C6: variants seen among roughly 807,000 people sequenced by gnomAD.
C6 encodes the protein complement component C6.
C6 carries 101 observed loss-of-function variants against 112.9 expected under a neutral mutation model. That is an observed-to-expected ratio of 0.89 (90% CI 0.76 to 1.06). The LOEUF is 1.06. C6 is among the 50% of genes least tolerant of loss of function. The pLI, the probability that C6 is intolerant of heterozygous loss-of-function variation, is 0.00. For missense variants in C6, 1,202 were observed against 1,104.6 expected (o/e 1.09, Z -1.25); for synonymous variants, 431 against 384.1 (o/e 1.12, Z -1.43).
chr5:41,251,917 G>T (rs1036311416), intron 1 of C6, among the ~76,000 whole-genome samples: 6 of 152,170 alleles, frequency 3.9e-5, no homozygotes, highest in African/African-American at 1.2e-4. Context: ...AAAAGATATG[G>T]TTGGGAAATA....
intron 9 of C6, among the ~76,000 whole-genome samples, 198 bp from the exon 10 acceptor site, chr5:41,162,057 G>C (rs1334094483): frequency 1.3e-5 from 2 of 152,120 alleles, no homozygotes; most frequent in Non-Finnish European, 2.9e-5. Flanking sequence ...AATAATAACA[G>C]TACTAACAGC....
chr5:41,246,925 A>G (rs1042281120), intron 1 of C6, among the ~76,000 whole-genome samples: 4 of 152,232 alleles, frequency 2.6e-5, no homozygotes, highest in Non-Finnish European at 5.9e-5. Context: ...TAATAAATTT[A>G]TATGGTTATA....
intron 17 of C6, among the ~76,000 whole-genome samples, chr5:41,145,981 A>G (rs772036793): frequency 3.3e-5 from 5 of 152,310 alleles, no homozygotes; most frequent in Middle Eastern, 3.4e-3. Flanking sequence ...TCACGCTTCT[A>G]TACTTAAGAA....
intron 9 of C6, among the ~76,000 whole-genome samples, chr5:41,162,381 A>G (rs1747601258): frequency 6.6e-6 from 1 of 152,212 alleles, no homozygotes; most frequent in African/African-American, 2.4e-5. Flanking sequence ...ACTTCCAATT[A>G]CAGGGAAAAA....
intron 8 of C6, 142 bp from the exon 9 acceptor site, chr5:41,172,489 A>C (rs1392695896): frequency 2.5e-6 from 2 of 813,654 alleles, no homozygotes; most frequent in African/African-American, 3.4e-5. Context: ...CTTAAGTGAC[A>C]GCTCAAGTTA....
At chr5:41,172,406 G>A (rs1748504231) in intron 8 of C6, 59 bp from the exon 9 acceptor site, 1 of 1,547,306 alleles carries the variant, frequency 6.5e-7, no homozygotes, top group South Asian at 1.1e-5. Flanking sequence ...ATTCAAAGAG[G>A]AACATGGTGC....
Position 41,213,503 on chromosome 5 carries a change from C to G in C6, c.-148G>C. 42 of 985,248 alleles carry G rather than the reference C, an allele frequency of 4.3e-5. No homozygotes were observed. The highest frequency in any genetic ancestry group is 1.1e-4 in the East Asian group (1 of 8,806). 61.0% of individuals were successfully genotyped at this position (985,248 alleles called of 1,614,324 possible). A position where few individuals can be genotyped will look rare whatever the true frequency, so the allele number is the denominator to read the frequency against. ...CTTCTTTTCTTATTGCTAGCTAACA[C>G]AAGGCAATGCTGTCATATCCCAGAA... is the stretch of plus-strand genomic sequence containing the variant. On this transcript the variant is annotated 5_prime_UTR_variant, in exon 1 of 18. Coordinates refer to ENST00000337836, the MANE Select transcript of C6 (RefSeq NM_000065.5).
At chr5:41,211,110 C>A (rs1751881779) in intron 1 of C6, among the ~76,000 whole-genome samples, 1 of 151,988 alleles carries the variant, frequency 6.6e-6, no homozygotes, top group South Asian at 2.1e-4. Flanking sequence ...AGTTGGAAAC[C>A]ATCATTTTGA....
At chr5:41,167,274 G>T (rs149889138) in intron 9 of C6, among the ~76,000 whole-genome samples, 528 of 152,156 alleles carry the variant, frequency 3.5e-3, no homozygotes, top group African/African-American at 0.012. Flanking sequence ...GAGAGAAAAA[G>T]AATTCTTGAG....
chr5:41,229,543 C>T (rs1187600990), intron 1 of C6, among the ~76,000 whole-genome samples: 1 of 152,038 alleles, frequency 6.6e-6, no homozygotes, highest in East Asian at 1.9e-4. Flanking sequence ...AAAGATGGTG[C>T]AATTTGATTT....
intron 9 of C6, among the ~76,000 whole-genome samples, chr5:41,164,934 C>A (rs1044473767): frequency 6.6e-6 from 1 of 152,140 alleles, no homozygotes; most frequent in Non-Finnish European, 1.5e-5. Flanking sequence ...ATAATCACTG[C>A]CCACGCCTGG....
intron 1 of C6, among the ~76,000 whole-genome samples, chr5:41,204,659 C>CTTTTTTTTTTTTTTTTTTTTT (rs56809256): frequency 7.5e-6 from 1 of 133,330 alleles, no homozygotes; most frequent in Non-Finnish European, 1.5e-5. Context: ...AATCAGTAAG[C>CTTTTTTTTTTTTTTTTTTTTT]TTTTTTTTTT....
Position 41,203,270 on chromosome 5 carries a change from A to G in C6, c.-20-20T>C. On this transcript the variant is annotated intron_variant, in intron 1 of 17. Transcript: ENST00000337836. Reference sequence around the variant, plus strand: ...CAGGCCCTAAAATGAAAGAATACATAACACATATCAAATGCTTTTTTGAGG... The same window carrying G: ...CAGGCCCTAAAATGAAAGAATACATGACACATATCAAATGCTTTTTTGAGG... The G allele has an allele frequency of 3.1e-6, 5 of 1,612,420 alleles. No individual in the cohort carries two copies. Among genetic ancestry groups the G allele is most frequent in the African/African-American group, 1.3e-5 (1 of 75,020 alleles).
chr5:41,257,440 A>G (rs2150445455), intron 1 of C6, among the ~76,000 whole-genome samples: 1 of 152,164 alleles, frequency 6.6e-6, no homozygotes, highest in South Asian at 2.1e-4. Context: ...ATCTAGATAG[A>G]TCCCATGTCT....
At chr5:41,200,999 A>C (rs1750992223) in intron 3 of C6, among the ~76,000 whole-genome samples, 1 of 149,096 alleles carries the variant, frequency 6.7e-6, no homozygotes, top group Non-Finnish European at 1.5e-5. Context: ...TACCAACATG[A>C]TGCCACAGTG....
At position 41,235,322 on chromosome 5, in the gene C6, C is replaced by T. The variant is rs376354999; in HGVS notation, c.-21+25872G>A. ...ATTCCCACCTATGCGTGAGAATATGCGGTGTTTGGTTTTTTGTTCTTGCGA... is the reference window on the plus strand; with the variant it reads ...ATTCCCACCTATGCGTGAGAATATGTGGTGTTTGGTTTTTTGTTCTTGCGA... On this transcript the variant is annotated intron_variant, in intron 1 of 17. Transcript: ENST00000263413. 1.5e-3 allele frequency among the ~76,000 whole-genome samples: 214 copies of T among 142,806 alleles called. 11 individuals carry two copies. The East Asian group carries it at 0.044, about 29-fold the overall frequency. The allele number at this position is 142,806 out of a possible 152,430, so 93.7% of individuals were successfully genotyped here.
At chr5:41,212,578 T>C (rs911080746) in intron 1 of C6, among the ~76,000 whole-genome samples, 9 of 152,200 alleles carry the variant, frequency 5.9e-5, no homozygotes, top group African/African-American at 2.2e-4. Flanking sequence ...ATTCTGGAGG[T>C]ATCTAAAATT....
intron 1 of C6, among the ~76,000 whole-genome samples, chr5:41,210,900 G>T (rs999894578): frequency 6.6e-6 from 1 of 152,174 alleles, no homozygotes; most frequent in African/African-American, 2.4e-5. Context: ...TCTACCCAAA[G>T]GATTATAAAT....
At chr5:41,245,525 G>T (rs985437655) in intron 1 of C6, among the ~76,000 whole-genome samples, 9 of 151,846 alleles carry the variant, frequency 5.9e-5, no homozygotes, top group East Asian at 1.9e-4. Flanking sequence ...AATTTAACAA[G>T]ATTCACTAGT....
Sources: allele counts gnomAD v4.1 joint callset (sites outside exome capture counted in the v4.1 genomes callset), GRCh38; gene constraint gnomAD v4.1.1; transcripts MANE v1.5; gene names NCBI Gene and HGNC (gene_info 2026-07-23, HGNC 2026-07-21).